CTTN: variants seen among roughly 807,000 people sequenced by gnomAD.
The protein encoded by CTTN is cortactin, also known as src substrate cortactin.
A neutral mutation model predicts 84.0 loss-of-function variants in CTTN; 28 were observed. That is an observed-to-expected ratio of 0.33 (90% CI 0.25 to 0.46). CTTN has a LOEUF of 0.46. Ranked by LOEUF, CTTN falls within the 20% of genes least tolerant of loss-of-function variation. The probability of loss-of-function intolerance (pLI) is 1.00; values close to 1 mark genes in which losing one functional copy is unlikely to be tolerated. For missense variants in CTTN, 641 were observed against 723.8 expected (o/e 0.89, Z 1.31); for synonymous variants, 301 against 288.8 (o/e 1.04, Z -0.43).
At chr11:70,421,169 C>T (rs1026913555) in intron 10 of CTTN, among the ~76,000 whole-genome samples, 2 of 152,158 alleles carry the variant, frequency 1.3e-5, no homozygotes, top group Admixed American at 6.5e-5. Context: ...CTGCAGTGTG[C>T]GTAGGACGCT....
chr11:70,434,575 G>A (rs537246206), intron 17 of CTTN, among the ~76,000 whole-genome samples: 3 of 152,388 alleles, frequency 2.0e-5, no homozygotes, highest in South Asian at 2.1e-4. Flanking sequence ...GCACCTGTGC[G>A]TGGATTCTCA....
chr11:70,423,085 T>G, intron 12 of CTTN, 90 bp downstream of exon 12: 1 of 1,461,958 alleles, frequency 6.8e-7, no homozygotes, highest in Non-Finnish European at 9.5e-7. Context: ...ATCCACGCGC[T>G]GGGGTGGGGC....
In CTTN at chr11:70,436,085, C is replaced by T. The variant is rs2058414684; in HGVS notation, c.*923C>T. The T allele has an allele frequency of 7.0e-7, 1 of 1,426,268 alleles. No homozygotes were observed. Among genetic ancestry groups the T allele is most frequent in the African/African-American group, 1.4e-5 (1 of 69,586 alleles). The allele number at this position is 1,426,268 out of a possible 1,614,324, so 88.4% of individuals were successfully genotyped here. A position where few individuals can be genotyped will look rare whatever the true frequency, so the allele number is the denominator to read the frequency against. On this transcript the variant is annotated 3_prime_UTR_variant, in exon 18 of 18. Transcript: ENST00000301843. ...CTTGGGAAGGAAGGCAGTGCCTGCT[C>T]TGCTGTGAGCCGCCAGGAACCCTCC...
intron 5 of CTTN, among the ~76,000 whole-genome samples, chr11:70,413,460 A>G (rs2135563991): frequency 6.6e-6 from 1 of 152,346 alleles, no homozygotes; most frequent in East Asian, 1.9e-4. Context: ...TTTGTGGACC[A>G]GAGGGTCTCT....
At chr11:70,429,414 A>G (rs1454741665) in intron 14 of CTTN, among the ~76,000 whole-genome samples, 1 of 152,174 alleles carries the variant, frequency 6.6e-6, no homozygotes, top group Admixed American at 6.5e-5. Context: ...GCAGCCGGCT[A>G]GCGCTATCCT....
At chr11:70,413,790 T>G (rs927445223) in intron 5 of CTTN, among the ~76,000 whole-genome samples, 2 of 152,186 alleles carry the variant, frequency 1.3e-5, no homozygotes. Flanking sequence ...CTATTTTTGT[T>G]TATAGTCTAT....
At chr11:70,421,426 TC>T in intron 10 of CTTN, 43 bp from the exon 11 acceptor site, 1 of 1,373,252 alleles carries the variant, frequency 7.3e-7, no homozygotes, top group Non-Finnish European at 1.0e-6. Flanking sequence ...CAACTGTGTT[TC>T]CTCTTTTGGT....
Position 70,407,607 on chromosome 11 carries a change from A to G in CTTN, c.161+16A>G, listed in dbSNP as rs1200256450. On this transcript the variant is annotated intron_variant, in intron 4 of 17. Transcript: ENST00000301843. ...AGCATATCAAGTAAGAGGCGTCGCC[A>G]CCACCCTCCCGAGGGCCCCTCTGCG... The G allele has an allele frequency of 6.2e-7, 1 of 1,611,828 alleles. No individual in the cohort carries two copies. Among genetic ancestry groups the G allele is most frequent in the Non-Finnish European group, 8.5e-7 (1 of 1,179,744 alleles).
intron 5 of CTTN, among the ~76,000 whole-genome samples, chr11:70,413,357 G>T (rs913352113): frequency 6.6e-6 from 1 of 152,168 alleles, no homozygotes; most frequent in Non-Finnish European, 1.5e-5. Flanking sequence ...TCCTTGACCC[G>T]GCTCTGCTGT....
intron 13 of CTTN, among the ~76,000 whole-genome samples, 184 bp downstream of exon 13, chr11:70,425,585 G>A (rs1398772354): frequency 6.6e-6 from 1 of 152,212 alleles, no homozygotes; most frequent in Non-Finnish European, 1.5e-5. Context: ...GAGGTTTAGA[G>A]TCACCTTTTA....
intron 1 of CTTN, among the ~76,000 whole-genome samples, chr11:70,401,846 G>T: frequency 6.7e-6 from 1 of 149,662 alleles, no homozygotes; most frequent in Non-Finnish European, 1.5e-5. Context: ...AAAAAAAAAA[G>T]AAAAAAAAGG....
At chr11:70,412,372 G>A (rs2058104520) in intron 5 of CTTN, among the ~76,000 whole-genome samples, 1 of 152,136 alleles carries the variant, frequency 6.6e-6, no homozygotes, top group Admixed American at 6.5e-5. Context: ...GCAGTGTCCT[G>A]TGATCGCACC....
At chr11:70,418,804 GTCTC>G (rs1406108203) in intron 8 of CTTN, among the ~76,000 whole-genome samples, 1 of 147,152 alleles carries the variant, frequency 6.8e-6, no homozygotes, top group South Asian at 2.1e-4. Context: ...TTGAGACGGA[GTCTC>G]TCTCTCTCGC....
At position 70,405,247 on chromosome 11, in the gene CTTN, C is replaced by T. The variant is rs2058029093; in HGVS notation, c.-97-18C>T. ...AACATACATCCTTCTCAGCTTTTTA[C>T]CCTTAATCTTTTTACAGACGGAATC... On this transcript the variant is annotated intron_variant, in intron 1 of 17. Coordinates refer to ENST00000301843, the MANE Select transcript of CTTN (RefSeq NM_005231.4). 6.6e-6 allele frequency: 1 copy of T among 152,186 alleles called. No homozygotes were observed. Among genetic ancestry groups the T allele is most frequent in the Non-Finnish European group, 1.5e-5 (1 of 68,026 alleles). The allele number at this position is 152,186 out of a possible 1,614,324, so 9.4% of individuals were successfully genotyped here. A position where few individuals can be genotyped will look rare whatever the true frequency, so the allele number is the denominator to read the frequency against.
intron 8 of CTTN, among the ~76,000 whole-genome samples, chr11:70,419,110 A>G (rs886174413): frequency 1.7e-5 from 2 of 117,706 alleles, no homozygotes; most frequent in African/African-American, 3.8e-5. Context: ...TTTTTTTCTT[A>G]ATTCTTTTTT....
chr11:70,420,605 CT>C (rs1350544263), intron 10 of CTTN, 95 bp downstream of exon 10: 1 of 874,572 alleles, frequency 1.1e-6, no homozygotes, highest in Admixed American at 1.9e-5. Context: ...CGTGTGCCTG[CT>C]GCACATTGTT....
At position 70,419,766 on chromosome 11, in the gene CTTN, G is replaced by T; in HGVS notation, c.589G>T (p.Gly197Cys). ...TTTAGATTACTCCAAAGGTTTCGGCGGCAAATACGGTATCGACAAGGACAA... is the reference window on the plus strand; with the variant it reads ...TTTAGATTACTCCAAAGGTTTCGGCTGCAAATACGGTATCGACAAGGACAA... ...SQRDYSKGFG[G>C]KYGIDKDKVD... The change falls in exon 9 of 18, where the codon GGC becomes TGC. Residue 197 changes from glycine to cysteine, a missense_variant. By Grantham distance (159) the Gly-to-Cys change is radical (BLOSUM62 -3). Around this residue, in one of 3 missense-constraint regions of CTTN, gnomAD observed 284 missense variants for 348.4 expected, o/e 0.82. Transcript: ENST00000301843. The T allele has an allele frequency of 6.2e-7, 1 of 1,610,366 alleles. No individual in the cohort carries two copies. The highest frequency in any genetic ancestry group is 8.5e-7 in the Non-Finnish European group (1 of 1,179,222).
chr11:70,406,501 C>T (rs2058042062), intron 2 of CTTN, among the ~76,000 whole-genome samples: 1 of 148,262 alleles, frequency 6.7e-6, no homozygotes, highest in Admixed American at 6.8e-5. Context: ...AAAGGAATCA[C>T]TTCTTTTTAT....
intron 4 of CTTN, among the ~76,000 whole-genome samples, chr11:70,409,463 G>A (rs1819853269): frequency 6.6e-6 from 1 of 152,210 alleles, no homozygotes; most frequent in Admixed American, 6.5e-5. Context: ...AGGGACCATA[G>A]CCTCGTGTTT....
Sources: allele counts gnomAD v4.1 joint callset (sites outside exome capture counted in the v4.1 genomes callset), GRCh38; gene constraint gnomAD v4.1.1; regional missense constraint gnomAD v4.1.1; transcripts MANE v1.5; gene names NCBI Gene and HGNC (gene_info 2026-07-23, HGNC 2026-07-21).